The following DVL2 variants were observed in gnomAD, a reference collection of about 807,000 sequenced individuals.
The protein encoded by DVL2 is dishevelled segment polarity protein 2.
A neutral mutation model predicts 69.8 loss-of-function variants in DVL2; 38 were observed. The observed-to-expected ratio is 0.54, with a 90% CI of 0.42 to 0.71. The LOEUF is 0.71. DVL2 is among the 30% of genes least tolerant of loss of function. The pLI is 0.00. For missense variants in DVL2, 931 were observed against 1,008.1 expected (o/e 0.92, Z 1.04); for synonymous variants, 428 against 392.4 (o/e 1.09, Z -1.07).
chr17:7,231,441 C>CAGA (rs2071541323), intron 1 of DVL2, among the ~76,000 whole-genome samples: 1 of 93,786 alleles, frequency 1.1e-5, no homozygotes, highest in Non-Finnish European at 2.0e-5. Context: ...CCAGCCTGGG[C>CAGA]GGCTCAAAAA....
At position 7,229,497 on chromosome 17, in the gene DVL2, C is replaced by T; in HGVS notation, c.748-50G>A. The T allele has an allele frequency of 6.2e-7, 1 of 1,613,364 alleles. No individual in the cohort carries two copies. The highest frequency in any genetic ancestry group is 8.5e-7 in the Non-Finnish European group (1 of 1,179,358). On this transcript the variant is annotated intron_variant, in intron 6 of 14. Coordinates refer to ENST00000005340, the MANE Select transcript of DVL2 (RefSeq NM_004422.3). The surrounding 1 kb of genome is among the most constrained non-coding windows in gnomAD (Gnocchi z 4.4). ...TGCCCTTCAATAACCCAGGGTCAACCCTGGGGTGCTGCCGGTGTCCTGGCA... is the reference window on the plus strand; with the variant it reads ...TGCCCTTCAATAACCCAGGGTCAACTCTGGGGTGCTGCCGGTGTCCTGGCA...
At position 7,231,419 on chromosome 17, in the gene DVL2, C is replaced by T. The variant is rs146982541; in HGVS notation, c.195-622G>A. On this transcript the variant is annotated intron_variant, in intron 1 of 14. Coordinates refer to ENST00000005340, the MANE Select transcript of DVL2 (RefSeq NM_004422.3). ...CAGTGGTTGCAGTAAGTCGAGATCG[C>T]GCCACTGCATTCCAGCCTGGGCGGC... Among the ~76,000 whole-genome samples the T allele has an allele frequency of 2.5e-3, 359 of 146,234 alleles. 4 individuals are homozygous for T. Among genetic ancestry groups the T allele is most frequent in the African/African-American group, 8.7e-3 (340 of 38,990 alleles).
chr17:7,230,720 C>T lies in DVL2; in HGVS notation c.264+8G>A. ...GGGGGCCTGGTCCTCGGTGTCAGAACCTCTTACCCAGGATACCACCCTTCC... is the reference window on the plus strand; with the variant it reads ...GGGGGCCTGGTCCTCGGTGTCAGAATCTCTTACCCAGGATACCACCCTTCC... On this transcript the variant is annotated splice_region_variant and intron_variant, in intron 2 of 14. Coordinates refer to ENST00000005340, the MANE Select transcript of DVL2 (RefSeq NM_004422.3). The T allele has an allele frequency of 6.2e-7, 1 of 1,609,156 alleles. No individual in the cohort carries two copies. Among genetic ancestry groups the T allele is most frequent in the Non-Finnish European group, 8.5e-7 (1 of 1,177,730 alleles).
chr17:7,226,367 C>T (rs1433235742), intron 14 of DVL2, 54 bp from the exon 15 acceptor site: 1 of 1,531,288 alleles, frequency 6.5e-7, no homozygotes, highest in Non-Finnish European at 8.8e-7. Flanking sequence ...CTCCCTGGCT[C>T]CCCTCTCATC....
Position 7,228,013 on chromosome 17 carries a change from C to T in DVL2, c.1066G>A (p.Asp356Asn), listed in dbSNP as rs145138687. 32 of 1,555,302 alleles carry T rather than the reference C, an allele frequency of 2.1e-5. No homozygotes were observed. Among genetic ancestry groups the T allele is most frequent in the Non-Finnish European group, 2.7e-5 (31 of 1,152,308 alleles). ...PIVLTVAKCWDPSPQAYFTLP... is the reference protein window; with the variant it reads ...PIVLTVAKCWNPSPQAYFTLP... ...GTGAAATAGGCCTGAGGAGAGGGAT[C>T]CCAGCACTTGGCCACAGTCAGCACA... The change falls in exon 10 of 15, where the codon GAT becomes AAT. Residue 356 changes from aspartate (D) to asparagine (N), a missense_variant. By Grantham distance (23) the Asp-to-Asn change is conservative (BLOSUM62 1). Coordinates refer to ENST00000005340, the MANE Select transcript of DVL2 (RefSeq NM_004422.3).
rs1245801292 is a variant in DVL2, at chr17:7,229,654, G to A, written c.681C>T (p.Ser227=). The change falls in exon 6 of 15, where the codon AGC becomes AGT. Residue 227 remains serine, a synonymous_variant. Transcript: ENST00000005340. The surrounding 1 kb of genome is among the most constrained non-coding windows in gnomAD (Gnocchi z 4.4). The part of the protein sequence containing the change: ...MSRFSSSTEQ[S]SASRLLKRHR... ...GGCGCTTAAGGAGGCGGGAGGCACT[G>A]CTCTGCTCCGTGGAGCTGCTGAACC... 25 of 1,555,090 alleles carry A rather than the reference G, an allele frequency of 1.6e-5. No individual in the cohort carries two copies. The highest frequency in any genetic ancestry group is 2.2e-5 in the Non-Finnish European group (25 of 1,150,306).
At chr17:7,232,405 A>G (rs1248491030) in intron 1 of DVL2, among the ~76,000 whole-genome samples, 2 of 152,238 alleles carry the variant, frequency 1.3e-5, no homozygotes, top group Non-Finnish European at 2.9e-5. Flanking sequence ...AGCATAATGT[A>G]GGATTCTTCC....
Position 7,230,085 on chromosome 17 carries a change from G to C in DVL2, c.481C>G (p.Arg161Gly). 1 of 1,614,118 alleles carries C rather than the reference G, an allele frequency of 6.2e-7. No individual in the cohort carries two copies. Among genetic ancestry groups the C allele is most frequent in the Non-Finnish European group, 8.5e-7 (1 of 1,180,030 alleles). ...TETESVVSLR[R>G]ERPRRRDSSE... is the part of the protein sequence containing the mutation. ...CTGTCTCTCCTGCGAGGCCGCTCCC[G>C]CCTCAGTGACACTACTGACTCGGTT... Residue 161 changes from arginine (R) to glycine (G), a missense_variant, in exon 4 of 15, where the codon CGG becomes GGG. Physicochemically the swap from Arg to Gly is moderately radical, Grantham distance 125 (BLOSUM62 -2). Transcript: ENST00000005340.
At position 7,225,600 on chromosome 17, in the gene DVL2, A is replaced by G. The variant is rs1159189055; in HGVS notation, c.*265T>C. On this transcript the variant is annotated 3_prime_UTR_variant, in exon 15 of 15. Coordinates refer to ENST00000005340, the MANE Select transcript of DVL2 (RefSeq NM_004422.3). ...TATAAAAGAGGAAATGCCTATTAAA[A>G]AAGTCCCAAAAATGTAAGAAACTCT... 3.9e-6 allele frequency: 2 copies of G among 518,744 alleles called. No homozygotes were observed. The highest frequency in any genetic ancestry group is 6.8e-6 in the Non-Finnish European group (2 of 293,446). 32.1% of individuals were successfully genotyped at this position (518,744 alleles called of 1,614,324 possible).
At chr17:7,230,249 C>T (rs1321745630) in intron 3 of DVL2, 36 bp downstream of exon 3, 1 of 1,613,458 alleles carries the variant, frequency 6.2e-7, no homozygotes, top group Non-Finnish European at 8.5e-7. Flanking sequence ...CCCTCCTCAC[C>T]TCCCTCCCCT....
Position 7,230,025 on chromosome 17 carries a change from GC to G in DVL2, c.520+20del, listed in dbSNP as rs2071518108. ...CTGGGGTCTGGCCCAGCCCTTCCCG[GC>G]CCCCAGGCCTGCCCCTCACCGCCAT... On this transcript the variant is annotated intron_variant, in intron 4 of 14. Transcript: ENST00000005340. 6.2e-7 allele frequency: 1 copy of G among 1,612,774 alleles called. No homozygotes were observed. Among genetic ancestry groups the G allele is most frequent in the South Asian group, 1.1e-5 (1 of 91,074 alleles).
rs373883585 is a variant in DVL2, at chr17:7,234,502, C to T, written c.-240G>A. Reference sequence around the variant, plus strand: ...GCGCCACCGCCACCGACGCCGCGAGCTTCCTCCAGGTACCCGCCCACCTCT... The same window carrying T: ...GCGCCACCGCCACCGACGCCGCGAGTTTCCTCCAGGTACCCGCCCACCTCT... On this transcript the variant is annotated 5_prime_UTR_variant, in exon 1 of 15. Transcript: ENST00000005340. 7.5e-4 allele frequency: 402 copies of T among 536,198 alleles called. 3 individuals are homozygous for T. In the South Asian group the frequency reaches 9.6e-3, roughly 13 times the overall value. The allele number at this position is 536,198 out of a possible 1,614,324, so 33.2% of individuals were successfully genotyped here. A position where few individuals can be genotyped will look rare whatever the true frequency, so the allele number is the denominator to read the frequency against.
At position 7,225,684 on chromosome 17, in the gene DVL2, T is replaced by C; in HGVS notation, c.*181A>G. The C allele has an allele frequency of 1.7e-6, 1 of 603,160 alleles. No homozygotes were observed. Among genetic ancestry groups the C allele is most frequent in the South Asian group, 2.0e-5 (1 of 50,188 alleles). 37.4% of individuals were successfully genotyped at this position (603,160 alleles called of 1,614,324 possible). On this transcript the variant is annotated 3_prime_UTR_variant, in exon 15 of 15. Transcript: ENST00000005340. ...AAGCTAAAAATAATCAAAGGTCCCT[T>C]GTCTACCCCTGAGGGAAGGGGGAGG... is the stretch of plus-strand genomic sequence containing the variant.
chr17:7,232,282 C>A (rs945700067), intron 1 of DVL2, among the ~76,000 whole-genome samples: 1 of 152,220 alleles, frequency 6.6e-6, no homozygotes, highest in Admixed American at 6.5e-5. Flanking sequence ...AATTAGGACA[C>A]CTTGTCTAAT....
chr17:7,227,040 G>A (rs1189109070), intron 13 of DVL2, 50 bp downstream of exon 13: 9 of 1,554,688 alleles, frequency 5.8e-6, no homozygotes, highest in African/African-American at 5.4e-5. Flanking sequence ...TGGAGAGGCA[G>A]AACAAGGTAG....
Position 7,225,593 on chromosome 17 carries a change from T to C in DVL2, c.*272A>G. On this transcript the variant is annotated 3_prime_UTR_variant, in exon 15 of 15. Coordinates refer to ENST00000005340, the MANE Select transcript of DVL2 (RefSeq NM_004422.3). ...TTCTTCATATAAAAGAGGAAATGCC[T>C]ATTAAAAAAGTCCCAAAAATGTAAG... 2.0e-6 allele frequency: 1 copy of C among 507,338 alleles called. No homozygotes were observed. Among genetic ancestry groups the C allele is most frequent in the Non-Finnish European group, 3.5e-6 (1 of 286,156 alleles). 31.4% of individuals were successfully genotyped at this position (507,338 alleles called of 1,614,324 possible).
chr17:7,233,178 TA>T (rs927222232), intron 1 of DVL2, among the ~76,000 whole-genome samples: 2 of 151,582 alleles, frequency 1.3e-5, no homozygotes, highest in African/African-American at 2.4e-5. Flanking sequence ...CTGCATTATT[TA>T]CACGCCAATC....
chr17:7,226,456 T>C lies in DVL2; in HGVS notation c.1727A>G (p.Tyr576Cys), dbSNP rs973083666. ...PPYHELSSYT[Y>C]GGGSASSQHS... ...CTGGCTGCTGGCACTGCCCCCACCA[T>C]AGGTGTAAGATGAAAGCTCATGGTA... Residue 576 changes from tyrosine to cysteine, a missense_variant, in exon 14 of 15, where the codon TAT becomes TGT. This residue lies in a region of DVL2 where 314 missense variants were observed against 313.7 expected (regional missense o/e 1.00). Transcript: ENST00000005340. 3 of 1,550,214 alleles carry C rather than the reference T, an allele frequency of 1.9e-6. No homozygotes were observed. The highest frequency in any genetic ancestry group is 2.0e-5 in the Admixed American group (1 of 50,140).
At position 7,230,216 on chromosome 17, in the gene DVL2, G is replaced by A. The variant is rs1001217144; in HGVS notation, c.411-61C>T. ...GAGAACAGGGCTCCGGATCCTAGGC[G>A]TCCCCTACCAAAGGCCTGGGTTCCC... On this transcript the variant is annotated intron_variant, in intron 3 of 14. Transcript: ENST00000005340. The A allele has an allele frequency of 2.0e-5, 32 of 1,610,478 alleles. No homozygotes were observed. The African/African-American group carries it at 3.2e-4, about 16-fold the overall frequency.
Sources: gnomAD v4.1 joint callset for allele counts (sites outside exome capture counted in the v4.1 genomes callset) on GRCh38, gnomAD v4.1.1 for gene constraint, gnomAD v4.1.1 regional missense constraint, Gnocchi (gnomAD v3.1) non-coding constraint, MANE v1.5 for transcripts, NCBI Gene and HGNC (gene_info 2026-07-23, HGNC 2026-07-21) for gene names.